FBXO25: variants seen among roughly 807,000 people sequenced by gnomAD.
FBXO25 encodes the protein F-box protein 25, also known as F-box only protein 25.
In FBXO25, 45 loss-of-function variants were observed where a neutral mutation model predicts 51.9. That is an observed-to-expected ratio of 0.87 (90% CI 0.68 to 1.11). The LOEUF (loss-of-function observed/expected upper bound fraction) is 1.11, where lower values mean the gene tolerates loss of function less well. Ranked by LOEUF, FBXO25 falls within the 50% of genes most tolerant of loss-of-function variation. The pLI is 0.00. For synonymous variants in FBXO25, 199 were observed against 151.0 expected, an observed-to-expected ratio of 1.32 and a Z score of -2.33; for missense variants, 507 against 428.5, an observed-to-expected ratio of 1.18 and a Z score of -1.62.
At position 413,151 on chromosome 8, in the gene FBXO25, A is replaced by T. The variant is rs1796587829; in HGVS notation, c.72A>T (p.Arg24Ser). The stretch of plus-strand genomic sequence containing the variant: ...TTAAGACAGAAGATGGCTGGAAGAG[A>T]TGTGAATCTTGTAGTCAGAAACTTG... Reference protein sequence around the residue: ...SWIKTEDGWKRCESCSQKLER... With the variant: ...SWIKTEDGWKSCESCSQKLER... The change falls in exon 2 of 10, where the codon AGA becomes AGT. Residue 24 changes from arginine to serine, a missense_variant. By Grantham distance (110) the Arg-to-Ser change is moderately radical (BLOSUM62 -1). Transcript: ENST00000350302. 1.9e-6 allele frequency: 3 copies of T among 1,611,366 alleles called. No homozygotes were observed. Among genetic ancestry groups the T allele is most frequent in the Non-Finnish European group, 2.5e-6 (3 of 1,178,828 alleles).
chr8:418,629 C>T (rs922765975), intron 2 of FBXO25, among the ~76,000 whole-genome samples: 3 of 152,088 alleles, frequency 2.0e-5, no homozygotes, highest in Non-Finnish European at 2.9e-5. Context: ...CGTGAGCCAC[C>T]GTTCCCGGCT....
At chr8:433,005 A>C in intron 4 of FBXO25, 70 bp downstream of exon 4, 1 of 1,453,192 alleles carries the variant, frequency 6.9e-7, no homozygotes, top group Non-Finnish European at 9.1e-7. Context: ...ACATTAAATA[A>C]ATGTATTAAT....
At chr8:453,655 A>C (rs778907722) in intron 7 of FBXO25, among the ~76,000 whole-genome samples, 1 of 151,946 alleles carries the variant, frequency 6.6e-6, no homozygotes, top group Non-Finnish European at 1.5e-5. Context: ...TTTTGAGGTG[A>C]CTCAAGCAGA....
intron 4 of FBXO25, among the ~76,000 whole-genome samples, chr8:434,472 A>T (rs537047922): frequency 8.5e-5 from 13 of 152,176 alleles, no homozygotes; most frequent in Non-Finnish European, 1.9e-4. Context: ...CAGTCAGTCA[A>T]CATATTTGGA....
At chr8:414,757 G>A (rs888704603) in intron 2 of FBXO25, among the ~76,000 whole-genome samples, 10 of 152,074 alleles carry the variant, frequency 6.6e-5, no homozygotes, top group East Asian at 1.9e-4. Context: ...GCATCCCTGC[G>A]CAAAAAGGTT....
At chr8:463,588 G>A (rs1234302394) in intron 9 of FBXO25, among the ~76,000 whole-genome samples, 2 of 152,166 alleles carry the variant, frequency 1.3e-5, no homozygotes, top group African/African-American at 2.4e-5. Flanking sequence ...ACCAGCTTAG[G>A]CTTCATTTCT....
chr8:472,435 C>T lies in FBXO25; in HGVS notation c.*3631C>T, dbSNP rs1446906641. ...GTCATGGTTTATGATACCTTTTATA[C>T]ATAGCTGTTAGATTTGGTGTGCTGG... On this transcript the variant is annotated 3_prime_UTR_variant, in exon 10 of 10. Coordinates refer to ENST00000350302, the MANE Select transcript of FBXO25 (RefSeq NM_183420.2). 2 of 152,240 alleles carry T rather than the reference C, an allele frequency of 1.3e-5. No homozygotes were observed. Among genetic ancestry groups the T allele is most frequent in the African/African-American group, 4.8e-5 (2 of 41,460 alleles). The allele number at this position is 152,240 out of a possible 1,614,324, so 9.4% of individuals were successfully genotyped here. A position where few individuals can be genotyped will look rare whatever the true frequency, so the allele number is the denominator to read the frequency against.
chr8:422,180 G>T (rs1797196670), intron 2 of FBXO25, among the ~76,000 whole-genome samples: 1 of 152,162 alleles, frequency 6.6e-6, no homozygotes, highest in African/African-American at 2.4e-5. Flanking sequence ...CATTACAAAG[G>T]GAACAGTACT....
intron 2 of FBXO25, among the ~76,000 whole-genome samples, chr8:426,280 A>G (rs1206518180): frequency 2.6e-5 from 4 of 152,072 alleles, no homozygotes; most frequent in African/African-American, 9.7e-5. Flanking sequence ...AATATGTGTG[A>G]CTTTTACCCT....
intron 8 of FBXO25, among the ~76,000 whole-genome samples, chr8:462,299 A>G (rs73173386): frequency 0.13 from 19,826 of 152,252 alleles, 1,632 homozygotes; most frequent in East Asian, 0.39. Flanking sequence ...ATGTCTTTGC[A>G]TGTCCTTTGA....
At chr8:457,367 GT>G (rs1330014058) in intron 7 of FBXO25, among the ~76,000 whole-genome samples, 2 of 152,222 alleles carry the variant, frequency 1.3e-5, no homozygotes, top group African/African-American at 4.8e-5. Flanking sequence ...GCAGAGTTTA[GT>G]TTTTGAACTG....
rs59042583 is a variant in FBXO25, at chr8:415,220, C to CTTT, written c.134+2007_134+2008insTTT. ...AATAATTTAGGTAATCAAGATTCTA[C>CTTT]GTAACTTTGTTAATTTTCTTTTTTG... On this transcript the variant is annotated intron_variant, in intron 2 of 9. Coordinates refer to ENST00000350302, the MANE Select transcript of FBXO25 (RefSeq NM_183420.2). Among the ~76,000 whole-genome samples the CTTT allele has an allele frequency of 4.3e-3, 659 of 152,266 alleles. 2 individuals carry two copies. The highest frequency in any genetic ancestry group is 0.015 in the African/African-American group (632 of 41,542).
intron 9 of FBXO25, among the ~76,000 whole-genome samples, 170 bp from the exon 10 acceptor site, chr8:468,545 C>T (rs930113725): frequency 2.0e-5 from 3 of 151,978 alleles, no homozygotes; most frequent in South Asian, 2.1e-4. Context: ...TATGTAGAAT[C>T]GGCTGCGGCT....
At chr8:431,648 G>T (rs1187478225) in intron 3 of FBXO25, among the ~76,000 whole-genome samples, 1 of 152,170 alleles carries the variant, frequency 6.6e-6, no homozygotes, top group Non-Finnish European at 1.5e-5. Flanking sequence ...CAAAATAAGA[G>T]ATAGCCAAAC....
chr8:433,229 C>T (rs1232363155), intron 4 of FBXO25, among the ~76,000 whole-genome samples: 6 of 152,002 alleles, frequency 3.9e-5, no homozygotes, highest in Admixed American at 2.6e-4. Flanking sequence ...TATGATTGTG[C>T]ATGTATTTGT....
intron 9 of FBXO25, chr8:468,103 G>C (rs984494139): frequency 9.3e-7 from 1 of 1,072,788 alleles, no homozygotes; most frequent in Admixed American, 5.0e-5. Flanking sequence ...TTCCTCCTAA[G>C]AGTCTGCCAG....
At chr8:458,265 T>G in intron 7 of FBXO25, 104 bp from the exon 8 acceptor site, 3 of 1,305,158 alleles carry the variant, frequency 2.3e-6, no homozygotes, top group Non-Finnish European at 3.2e-6. Flanking sequence ...GCTCTTTTTG[T>G]GTTACCATGT....
At chr8:457,327 A>G (rs1330354285) in intron 7 of FBXO25, among the ~76,000 whole-genome samples, 1 of 152,194 alleles carries the variant, frequency 6.6e-6, no homozygotes, top group Admixed American at 6.5e-5. Context: ...GCTCAAACCC[A>G]ATCCAGGGCT....
chr8:462,977 C>T (rs200705045), intron 8 of FBXO25, 30 bp from the exon 9 acceptor site: 23 of 1,585,838 alleles, frequency 1.5e-5, no homozygotes, highest in Admixed American at 3.9e-5. Context: ...TCATCTTATG[C>T]GGATTCTGAA....
Sources: allele counts gnomAD v4.1 joint callset (sites outside exome capture counted in the v4.1 genomes callset), GRCh38; gene constraint gnomAD v4.1.1; transcripts MANE v1.5; gene names NCBI Gene and HGNC (gene_info 2026-07-23, HGNC 2026-07-21).